Variants in ARL15 observed in about 807,000 individuals in gnomAD.
ARL15 encodes ADP-ribosylation factor-like protein 15.
ARL15 carries 19 observed loss-of-function variants against 25.2 expected under a neutral mutation model. The ratio of observed to expected loss-of-function variants is 0.75; its 90% confidence interval spans 0.53 to 1.10. The LOEUF is 1.10. Among genes scored for constraint, ARL15 ranks in the 50% least tolerant of loss-of-function variants. The pLI, the probability that ARL15 is intolerant of heterozygous loss-of-function variation, is 0.00. For missense variants in ARL15, 220 were observed against 246.0 expected (o/e 0.89, Z 0.71); for synonymous variants, 94 against 86.8 (o/e 1.08, Z -0.46).
chr5:53,991,269 C>T (rs1092834), intron 4 of ARL15, among the ~76,000 whole-genome samples: 91,279 of 151,894 alleles, frequency 0.6, 27,863 homozygotes, highest in East Asian at 0.82. Context: ...AGGCCATGTA[C>T]GGTGGCTCAC....
chr5:54,253,868 G>A (rs1325762793), intron 1 of ARL15, among the ~76,000 whole-genome samples: 1 of 152,170 alleles, frequency 6.6e-6, no homozygotes. Flanking sequence ...GGGATAACAG[G>A]CATTAGCCAC....
intron 1 of ARL15, among the ~76,000 whole-genome samples, chr5:54,241,191 G>T (rs551427533): frequency 8.1e-4 from 123 of 152,070 alleles, no homozygotes; most frequent in African/African-American, 2.9e-3. Context: ...AAGAAAGAAA[G>T]AAAAAATAAG....
intron 4 of ARL15, among the ~76,000 whole-genome samples, chr5:54,108,519 C>G (rs928658088): frequency 1.3e-5 from 2 of 152,076 alleles, no homozygotes; most frequent in Non-Finnish European, 2.9e-5. Context: ...TCTACACATA[C>G]AGAAAGCAGT....
chr5:53,920,190 T>A (rs1038848167), intron 4 of ARL15, among the ~76,000 whole-genome samples: 1 of 152,336 alleles, frequency 6.6e-6, no homozygotes, highest in East Asian at 1.9e-4. Context: ...TTTGGGGGTC[T>A]ATTTTACCCA....
chr5:54,166,243 G>A (rs1450462268), intron 2 of ARL15, among the ~76,000 whole-genome samples: 1 of 151,964 alleles, frequency 6.6e-6, no homozygotes, highest in Non-Finnish European at 1.5e-5. Flanking sequence ...CACCCAGGTT[G>A]GAGTAAAGCA....
At chr5:54,090,661 G>A (rs1228523049) in intron 4 of ARL15, among the ~76,000 whole-genome samples, 1 of 151,342 alleles carries the variant, frequency 6.6e-6, no homozygotes, top group Non-Finnish European at 1.5e-5. Context: ...AAAGGAAGAA[G>A]GAAGAAAGGA....
rs1579864593 is a variant in ARL15, at chr5:54,165,431, T to C, written c.193+6353A>G. ...GCAATAAATTCCTTCAGATTTTGTATGTCTGAAAAAGTCTAGTCTTTATTT... is the reference window on the plus strand; with the variant it reads ...GCAATAAATTCCTTCAGATTTTGTACGTCTGAAAAAGTCTAGTCTTTATTT... On this transcript the variant is annotated intron_variant, in intron 2 of 4. Transcript: ENST00000504924. 2.0e-5 allele frequency among the ~76,000 whole-genome samples: 3 copies of C among 152,138 alleles called. No homozygotes were observed. The East Asian group carries it at 5.8e-4, about 29-fold the overall frequency.
rs1746095397 is a variant in ARL15, at chr5:53,928,300, C to T, written c.463-41587G>A. On this transcript the variant is annotated intron_variant, in intron 4 of 4. Coordinates refer to ENST00000504924, the MANE Select transcript of ARL15 (RefSeq NM_019087.3). ...GGATTAGCACTTGGATTAATGTTTT[C>T]TTTTAACTGCAAAGTAAATGTAGGC... 2.0e-5 allele frequency among the ~76,000 whole-genome samples: 3 copies of T among 152,316 alleles called. No individual in the cohort carries two copies. The South Asian group carries it at 6.2e-4, about 32-fold the overall frequency.
intron 1 of ARL15, among the ~76,000 whole-genome samples, chr5:54,228,051 T>A (rs567751893): frequency 6.6e-6 from 1 of 152,326 alleles, no homozygotes; most frequent in African/African-American, 2.4e-5. Flanking sequence ...CTTGTATGTC[T>A]GTAACGCCAG....
At position 54,214,266 on chromosome 5, in the gene ARL15, TAA is replaced by T. The variant is rs908954336; in HGVS notation, c.49-42340_49-42339del. 2.0e-5 allele frequency among the ~76,000 whole-genome samples: 3 copies of T among 152,282 alleles called. No individual in the cohort carries two copies. In the South Asian group the frequency reaches 6.2e-4, roughly 32 times the overall value. ...ACTTTGCTACAGCCACTGGAGTAGA[TAA>T]GAGATATCTTTCCAGTAAAAATTCT... On this transcript the variant is annotated intron_variant, in intron 1 of 4. Coordinates refer to ENST00000504924, the MANE Select transcript of ARL15 (RefSeq NM_019087.3).
Position 54,065,493 on chromosome 5 carries a change from C to G in ARL15, c.462+47709G>C, listed in dbSNP as rs1751197971. 2.0e-5 allele frequency among the ~76,000 whole-genome samples: 3 copies of G among 152,086 alleles called. No homozygotes were observed. In the South Asian group the frequency reaches 6.2e-4, roughly 32 times the overall value. ...CCAGGCTGGCCAACATAGCGAAACC[C>G]TGTCTCTACTAAAAATACAAAAATT... On this transcript the variant is annotated intron_variant, in intron 4 of 4. Transcript: ENST00000504924.
At chr5:54,085,338 A>T (rs1273293757) in intron 4 of ARL15, among the ~76,000 whole-genome samples, 2 of 152,178 alleles carry the variant, frequency 1.3e-5, no homozygotes, top group East Asian at 3.9e-4. Context: ...CAATGACCTC[A>T]TTTCCTTCTC....
At chr5:53,927,918 C>T (rs1410509232) in intron 4 of ARL15, among the ~76,000 whole-genome samples, 3 of 152,116 alleles carry the variant, frequency 2.0e-5, no homozygotes, top group Non-Finnish European at 4.4e-5. Context: ...CCTTAACCAC[C>T]CCGGGCTTCA....
At chr5:53,930,391 A>C (rs1292674557) in intron 4 of ARL15, among the ~76,000 whole-genome samples, 3 of 152,230 alleles carry the variant, frequency 2.0e-5, no homozygotes, top group Non-Finnish European at 2.9e-5. Flanking sequence ...TGGTATCACC[A>C]AACAGTCTTT....
intron 1 of ARL15, among the ~76,000 whole-genome samples, chr5:54,261,208 C>T (rs1757490315): frequency 6.6e-6 from 1 of 152,130 alleles, no homozygotes; most frequent in South Asian, 2.1e-4. Context: ...TGGGAAGATA[C>T]CAGGACTATG....
Position 54,056,829 on chromosome 5 carries a change from G to T in ARL15, c.462+56373C>A, listed in dbSNP as rs978930773. Among the ~76,000 whole-genome samples, 3 of 152,090 alleles carry T rather than the reference G, an allele frequency of 2.0e-5. No individual in the cohort carries two copies. The South Asian group carries it at 6.2e-4, about 32-fold the overall frequency. Reference sequence around the variant, plus strand: ...CTAACTGCTTATCTTTGGGCAAATCGTTGTTTTCCAAACATCAATTCCCTC... The same window carrying T: ...CTAACTGCTTATCTTTGGGCAAATCTTTGTTTTCCAAACATCAATTCCCTC... On this transcript the variant is annotated intron_variant, in intron 4 of 4. Coordinates refer to ENST00000504924, the MANE Select transcript of ARL15 (RefSeq NM_019087.3).
chr5:54,066,927 G>A (rs1334146540), intron 4 of ARL15, among the ~76,000 whole-genome samples: 2 of 152,160 alleles, frequency 1.3e-5, no homozygotes, highest in South Asian at 2.1e-4. Context: ...TAGGTGCTGG[G>A]TAATACAAGA....
intron 4 of ARL15, among the ~76,000 whole-genome samples, chr5:54,032,655 A>G (rs557346330): frequency 2.6e-5 from 4 of 152,286 alleles, no homozygotes; most frequent in African/African-American, 9.6e-5. Flanking sequence ...AAATAAGACT[A>G]TAGGGTAAGA....
intron 4 of ARL15, among the ~76,000 whole-genome samples, chr5:54,033,626 C>T (rs1445886425): frequency 1.3e-5 from 2 of 148,780 alleles, no homozygotes; most frequent in East Asian, 2.0e-4. Context: ...GATCCGAGAT[C>T]GAGCCACTGT....
Sources: allele counts gnomAD v4.1 joint callset (sites outside exome capture counted in the v4.1 genomes callset), GRCh38; gene constraint gnomAD v4.1.1; transcripts MANE v1.5; gene names NCBI Gene and HGNC (gene_info 2026-07-23, HGNC 2026-07-21).